Variants in VSTM1 observed in about 807,000 individuals in gnomAD.
VSTM1 encodes the protein V-set and transmembrane domain containing 1.
In VSTM1, 27 loss-of-function variants were observed where a neutral mutation model predicts 33.1. The observed-to-expected ratio is 0.82, with a 90% confidence interval of 0.60 to 1.12. The LOEUF (loss-of-function observed/expected upper bound fraction) is 1.12. VSTM1 is among the 50% of genes most tolerant of loss of function. The pLI, the probability that VSTM1 is intolerant of heterozygous loss-of-function variation, is 0.00. For synonymous variants in VSTM1, 115 were observed against 110.3 expected (o/e 1.04, Z -0.27); for missense variants, 304 against 288.9 (o/e 1.05, Z -0.38).
At chr19:54,050,830 CA>C (rs1380325110) in intron 4 of VSTM1, among the ~76,000 whole-genome samples, 3 of 147,830 alleles carry the variant, frequency 2.0e-5, no homozygotes, top group African/African-American at 7.5e-5. Context: ...AAACAAAAAA[CA>C]AAAAACAAAA....
rs1224999790 is a variant in VSTM1 at position 54,057,001 on chromosome 19, G to A, written c.355+1305C>T. ...CTCCCTAGTAGCTGGGATTACAGGC[G>A]CCTGCCACCACGCCCAGCTAATTTT... On this transcript the variant is annotated intron_variant, in intron 3 of 8. Coordinates refer to ENST00000338372, the MANE Select transcript of VSTM1 (RefSeq NM_198481.4). 3.6e-5 allele frequency among the ~76,000 whole-genome samples: 5 copies of A among 139,806 alleles called. 1 individual carries two copies. Among genetic ancestry groups the A allele is most frequent in the African/African-American group, 5.3e-5 (2 of 37,808 alleles). The allele number at this position is 139,806 out of a possible 152,430, so 91.7% of individuals were successfully genotyped here.
chr19:54,058,826 G>GAT (rs34846502), intron 1 of VSTM1, 94 bp from the exon 2 acceptor site: 88,206 of 591,082 alleles, frequency 0.15, 4,701 homozygotes, highest in East Asian at 0.17. Context: ...ATAGGTCTGA[G>GAT]ATATATATAT....
At chr19:54,061,927 G>A (rs542705407) in intron 1 of VSTM1, among the ~76,000 whole-genome samples, 83 of 152,274 alleles carry the variant, frequency 5.5e-4, no homozygotes, top group South Asian at 2.3e-3. Flanking sequence ...AGGCTGAGGC[G>A]GGCAGATCAC....
intron 4 of VSTM1, among the ~76,000 whole-genome samples, chr19:54,046,634 G>A (rs769291578): frequency 1.3e-5 from 2 of 151,472 alleles, no homozygotes; most frequent in Non-Finnish European, 2.9e-5. Context: ...ATTCTAGATC[G>A]TGGCTTCTTT....
chr19:54,056,671 C>A lies in VSTM1; in HGVS notation c.355+1635G>T, dbSNP rs185139820. On this transcript the variant is annotated intron_variant, in intron 3 of 8. Transcript: ENST00000338372. ...CCTCTTGGGAACTGTAACAGACCAT[C>A]TTTTCCATGGCAATCATCACTTGGT... Among the ~76,000 whole-genome samples, 93 of 140,406 alleles carry A rather than the reference C, an allele frequency of 6.6e-4. 11 individuals are homozygous for A. The Admixed American group carries it at 6.7e-3, about 10-fold the overall frequency. The allele number at this position is 140,406 out of a possible 152,430, so 92.1% of individuals were successfully genotyped here.
At chr19:54,054,885 G>A (rs548666169) in intron 3 of VSTM1, among the ~76,000 whole-genome samples, 1 of 127,716 alleles carries the variant, frequency 7.8e-6, no homozygotes, top group African/African-American at 2.9e-5. Flanking sequence ...GGATGGATGA[G>A]TTGATGGATA....
rs1228698586 is a variant in VSTM1 at position 54,061,821 on chromosome 19, GA to G, written c.34+1922del. Reference sequence around the variant, plus strand: ...TGAGTGAGACCCTGTCTAAAGAAAAGAAAAAAAAAAACAGAGCCAACGATTG... The same window carrying G: ...TGAGTGAGACCCTGTCTAAAGAAAAGAAAAAAAAAACAGAGCCAACGATTG... On this transcript the variant is annotated intron_variant, in intron 1 of 8. Transcript: ENST00000338372. Among the ~76,000 whole-genome samples the G allele has an allele frequency of 7.4e-3, 1,049 of 142,446 alleles. 10 individuals are homozygous for G. Among genetic ancestry groups the G allele is most frequent in the African/African-American group, 0.025 (974 of 38,936 alleles). The allele number at this position is 142,446 out of a possible 152,430, so 93.5% of individuals were successfully genotyped here.
intron 4 of VSTM1, among the ~76,000 whole-genome samples, chr19:54,045,775 G>T (rs1359188718): frequency 6.6e-6 from 1 of 151,796 alleles, no homozygotes; most frequent in Non-Finnish European, 1.5e-5. Context: ...ATCTATCTGT[G>T]TATCTGTATA....
chr19:54,042,816 A>ATATGTG (rs1380089781), intron 4 of VSTM1, among the ~76,000 whole-genome samples: 5 of 54,974 alleles, frequency 9.1e-5, no homozygotes, highest in African/African-American at 3.1e-4. Context: ...GTATATATAT[A>ATATGTG]TATATATATA....
At position 54,058,686 on chromosome 19, in the gene VSTM1, A is replaced by G; in HGVS notation, c.70+11T>C. On this transcript the variant is annotated intron_variant, in intron 2 of 8. Coordinates refer to ENST00000338372, the MANE Select transcript of VSTM1 (RefSeq NM_198481.4). ...ATGCAGGAATAAAAGTTTAAGTAGG[A>G]GAAAACTCACCATTCTTTTTCTCAT... The G allele has an allele frequency of 6.2e-7, 1 of 1,613,986 alleles. No homozygotes were observed. The highest frequency in any genetic ancestry group is 8.5e-7 in the Non-Finnish European group (1 of 1,179,998).
intron 4 of VSTM1, among the ~76,000 whole-genome samples, chr19:54,044,429 G>A (rs1409984579): frequency 2.0e-5 from 3 of 151,990 alleles, no homozygotes; most frequent in South Asian, 4.1e-4. Context: ...GCATGGTGGC[G>A]CACGCCTGTA....
At chr19:54,046,215 C>A (rs2070579780) in intron 4 of VSTM1, among the ~76,000 whole-genome samples, 1 of 152,144 alleles carries the variant, frequency 6.6e-6, no homozygotes, top group Non-Finnish European at 1.5e-5. Context: ...ATCTAATTAT[C>A]TATCTATCCC....
rs1431186001 is a variant in VSTM1, at chr19:54,041,815, C to G, written c.555G>C (p.Glu185Asp). The G allele has an allele frequency of 6.2e-7, 1 of 1,613,660 alleles. No individual in the cohort carries two copies. Among genetic ancestry groups the G allele is most frequent in the South Asian group, 1.1e-5 (1 of 91,016 alleles). Reference protein sequence around the residue: ...HSKLPEQEAAEADLSNMERVS... With the variant: ...HSKLPEQEAADADLSNMERVS... Reference sequence around the variant, plus strand: ...CCCTTTCCATATTGGATAAATCTGCCTCTGAGTGAGAAAGGAAAAAAAAAA... The same window carrying G: ...CCCTTTCCATATTGGATAAATCTGCGTCTGAGTGAGAAAGGAAAAAAAAAA... The change falls in exon 8 of 9, where the codon GAG (glutamate) becomes GAC (aspartate). Residue 185 changes from glutamate to aspartate, a missense_variant and splice_region_variant. Glu to Asp is a conservative substitution (Grantham distance 45). Transcript: ENST00000338372.
rs1157746906 is a variant in VSTM1, at chr19:54,058,611, A to T, written c.71-21T>A. 5.0e-6 allele frequency: 8 copies of T among 1,613,146 alleles called. No individual in the cohort carries two copies. The African/African-American group carries it at 8.0e-5, about 16-fold the overall frequency. On this transcript the variant is annotated intron_variant, in intron 2 of 8. Coordinates refer to ENST00000338372, the MANE Select transcript of VSTM1 (RefSeq NM_198481.4). ...TTTCTCTGGAAACAATTCAGAGTTA[A>T]TTTGAGTCTAGAATTCAGACGATTA... is the stretch of plus-strand genomic sequence containing the variant.
At chr19:54,062,239 A>C (rs2071428426) in intron 1 of VSTM1, among the ~76,000 whole-genome samples, 1 of 152,142 alleles carries the variant, frequency 6.6e-6, no homozygotes, top group South Asian at 2.1e-4. Flanking sequence ...TCTCAGAAGG[A>C]ATCAACATTG....
chr19:54,058,158 T>C, intron 3 of VSTM1, 148 bp downstream of exon 3: 1 of 847,364 alleles, frequency 1.2e-6, no homozygotes, highest in African/African-American at 1.7e-5. Flanking sequence ...GAGAATTGCT[T>C]GAACCCAGGA....
chr19:54,051,359 A>G, intron 4 of VSTM1, 51 bp downstream of exon 4: 1 of 1,455,240 alleles, frequency 6.9e-7, no homozygotes, highest in Non-Finnish European at 9.5e-7. Flanking sequence ...AGCAAAGGTG[A>G]TCATGAAGCA....
chr19:54,062,851 A>T (rs2071462741), intron 1 of VSTM1, among the ~76,000 whole-genome samples: 1 of 151,578 alleles, frequency 6.6e-6, no homozygotes, highest in Non-Finnish European at 1.5e-5. Context: ...TGTCCACCGC[A>T]CCCCCCGTGC....
At chr19:54,057,301 C>G (rs1339374741) in intron 3 of VSTM1, among the ~76,000 whole-genome samples, 1 of 138,380 alleles carries the variant, frequency 7.2e-6, no homozygotes, top group African/African-American at 2.7e-5. Flanking sequence ...GGAGGATCAC[C>G]TGAGCTCAGG....
Sources: gnomAD v4.1 joint callset for allele counts (sites outside exome capture counted in the v4.1 genomes callset) on GRCh38, gnomAD v4.1.1 for gene constraint, MANE v1.5 for transcripts, NCBI Gene and HGNC (gene_info 2026-07-23, HGNC 2026-07-21) for gene names.